Variants in RBFOX1 observed in about 807,000 individuals in gnomAD.
The protein encoded by RBFOX1 is RNA binding fox-1 homolog 1, also known as RNA binding protein fox-1 homolog 1.
A neutral mutation model predicts 57.7 loss-of-function variants in RBFOX1; 8 were observed. That is an observed-to-expected ratio of 0.14 (90% CI 0.08 to 0.25). The LOEUF (loss-of-function observed/expected upper bound fraction) is 0.25. Ranked by LOEUF, RBFOX1 falls within the 10% of genes least tolerant of loss-of-function variation. The pLI is 1.00. For missense variants in RBFOX1, 611 were observed against 548.5 expected (o/e 1.11, Z -1.14); for synonymous variants, 326 against 222.4 (o/e 1.47, Z -4.15).
At position 7,155,238 on chromosome 16, in the gene RBFOX1, G is replaced by C. The variant is rs116013434; in HGVS notation, c.27+103140G>C. ...TTTTAAAAAAATTAATTTTGAGAGA[G>C]TGAACTTCATATCATCACCTTTAGA... On this transcript the variant is annotated intron_variant, in intron 4 of 15. Transcript: ENST00000550418. Among the ~76,000 whole-genome samples, 1,151 of 152,170 alleles carry C rather than the reference G, an allele frequency of 7.6e-3. 16 individuals are homozygous for C. The highest frequency in any genetic ancestry group is 0.026 in the African/African-American group (1,084 of 41,512).
intron 2 of RBFOX1, among the ~76,000 whole-genome samples, chr16:6,528,602 G>T (rs11645261): frequency 0.18 from 28,065 of 152,126 alleles, 2,766 homozygotes; most frequent in East Asian, 0.35. Flanking sequence ...GGATAGATAC[G>T]ATTTTAAAAT....
intron 3 of RBFOX1, among the ~76,000 whole-genome samples, chr16:6,854,467 G>C (rs2057421573): frequency 6.6e-6 from 1 of 152,046 alleles, no homozygotes; most frequent in Non-Finnish European, 1.5e-5. Flanking sequence ...TACACCTTGA[G>C]GGCTGCCAGA....
rs181934591 is a variant in RBFOX1 at position 7,477,837 on chromosome 16, C to T, written c.28-40310C>T. On this transcript the variant is annotated intron_variant, in intron 4 of 15. Transcript: ENST00000550418. Reference sequence around the variant, plus strand: ...TAGACCCTGAGTCTAGGAAAATCTTCGAAAAATGCAGAGATAATATCAGAG... The same window carrying T: ...TAGACCCTGAGTCTAGGAAAATCTTTGAAAAATGCAGAGATAATATCAGAG... 6.6e-3 allele frequency among the ~76,000 whole-genome samples: 1,012 copies of T among 152,184 alleles called. 9 individuals carry two copies. The highest frequency in any genetic ancestry group is 0.022 in the African/African-American group (927 of 41,506).
intron 4 of RBFOX1, among the ~76,000 whole-genome samples, chr16:7,226,889 G>C (rs1011850190): frequency 3.3e-5 from 5 of 152,202 alleles, no homozygotes; most frequent in African/African-American, 1.2e-4. Flanking sequence ...ATAACTTGCA[G>C]ATACAGTGGG....
At chr16:5,375,124 G>A (rs564095877) in intron 1 of RBFOX1, among the ~76,000 whole-genome samples, 3 of 151,524 alleles carry the variant, frequency 2.0e-5, no homozygotes, top group South Asian at 4.2e-4. Flanking sequence ...TAGGTGTGCG[G>A]GTTTGTCAAA....
chr16:7,567,897 A>G (rs572831059), intron 5 of RBFOX1, among the ~76,000 whole-genome samples: 7 of 738 alleles, frequency 9.5e-3, no homozygotes, highest in Non-Finnish European at 0.091. Flanking sequence ...ATACCTATGT[A>G]TATATATATA....
chr16:6,689,064 T>G (rs1408119804), intron 3 of RBFOX1, among the ~76,000 whole-genome samples: 1 of 152,232 alleles, frequency 6.6e-6, no homozygotes, highest in Non-Finnish European at 1.5e-5. Context: ...TGGTTGCAAG[T>G]CTTTGCTATT....
chr16:6,235,569 T>A (rs2097499740), intron 1 of RBFOX1, among the ~76,000 whole-genome samples: 1 of 145,996 alleles, frequency 6.8e-6, no homozygotes, highest in African/African-American at 2.5e-5. Context: ...TGTGTGTGTG[T>A]GTGTGTGTGT....
At chr16:6,445,673 C>T (rs545847734) in intron 2 of RBFOX1, among the ~76,000 whole-genome samples, 6 of 151,752 alleles carry the variant, frequency 4.0e-5, no homozygotes, top group Admixed American at 3.3e-4. Context: ...ACCTCCACCC[C>T]CTGGGTTCAA....
chr16:6,634,955 AATT>A (rs1296446096), intron 2 of RBFOX1, among the ~76,000 whole-genome samples: 1 of 141,176 alleles, frequency 7.1e-6, no homozygotes, highest in Admixed American at 7.2e-5. Context: ...TTTAGTTTAT[AATT>A]ATTACATATA....
At chr16:7,271,421 A>C (rs1757578076) in intron 4 of RBFOX1, among the ~76,000 whole-genome samples, 1 of 152,066 alleles carries the variant, frequency 6.6e-6, no homozygotes, top group Non-Finnish European at 1.5e-5. Context: ...ATGATCCTTT[A>C]AAGTTTCAAT....
At chr16:5,422,015 G>C (rs933552719) in intron 1 of RBFOX1, among the ~76,000 whole-genome samples, 1 of 152,104 alleles carries the variant, frequency 6.6e-6, no homozygotes, top group African/African-American at 2.4e-5. Flanking sequence ...CAAAGTGAAG[G>C]GTTTTCTTTA....
At chr16:7,145,189 TG>T (rs2074694252) in intron 4 of RBFOX1, among the ~76,000 whole-genome samples, 1 of 68,868 alleles carries the variant, frequency 1.5e-5, no homozygotes, top group Admixed American at 1.8e-4. Flanking sequence ...TACCCTTTTT[TG>T]TTTCGTTTTG....
At chr16:5,751,363 C>A (rs76070127) in intron 3 of RBFOX1, among the ~76,000 whole-genome samples, 1 of 152,026 alleles carries the variant, frequency 6.6e-6, no homozygotes. Flanking sequence ...CTTTTTCTCT[C>A]GGGGAGCTTT....
chr16:5,699,903 G>A lies in RBFOX1; in HGVS notation c.318+100942G>A, dbSNP rs572218794. 1.7e-4 allele frequency among the ~76,000 whole-genome samples: 26 copies of A among 152,166 alleles called. No homozygotes were observed. In the East Asian group the frequency reaches 3.5e-3, roughly 20 times the overall value. Reference sequence around the variant, plus strand: ...GGCTGGAGTGCAGTGGTGCGATCTCGGCTCACTGCAAGTTCTGCCTCCCGG... The same window carrying A: ...GGCTGGAGTGCAGTGGTGCGATCTCAGCTCACTGCAAGTTCTGCCTCCCGG... On this transcript the variant is annotated intron_variant, in intron 3 of 19. Coordinates refer to the RBFOX1 transcript ENST00000641259.
intron 2 of RBFOX1, among the ~76,000 whole-genome samples, chr16:6,538,931 C>T (rs1161995586): frequency 6.6e-6 from 1 of 152,082 alleles, no homozygotes; most frequent in Non-Finnish European, 1.5e-5. Flanking sequence ...TAGCTGGTGC[C>T]AGGTTGGAAA....
At chr16:6,865,178 C>G (rs2059707771) in intron 3 of RBFOX1, among the ~76,000 whole-genome samples, 1 of 151,346 alleles carries the variant, frequency 6.6e-6, no homozygotes, top group African/African-American at 2.4e-5. Flanking sequence ...AATTTTTGTA[C>G]TTTTAGTAGA....
At chr16:6,763,014 G>A (rs1303690952) in intron 3 of RBFOX1, among the ~76,000 whole-genome samples, 2 of 131,960 alleles carry the variant, frequency 1.5e-5, no homozygotes. Flanking sequence ...GAACATGCAA[G>A]ATAGAGAATG....
chr16:6,251,943 T>C (rs1231757626), intron 1 of RBFOX1, among the ~76,000 whole-genome samples: 3 of 152,120 alleles, frequency 2.0e-5, no homozygotes, highest in African/African-American at 7.2e-5. Context: ...GGTTCCGAAC[T>C]CATTATTTCT....
Sources: allele counts gnomAD v4.1 joint callset (sites outside exome capture counted in the v4.1 genomes callset), GRCh38; gene constraint gnomAD v4.1.1; transcripts MANE v1.5; gene names NCBI Gene and HGNC (gene_info 2026-07-23, HGNC 2026-07-21).